Variants in TCTN2 observed in about 807,000 individuals in gnomAD.
TCTN2 encodes tectonic-2.
Under a neutral mutation model 83.4 loss-of-function variants are expected in TCTN2, and 66 were observed. That is an observed-to-expected ratio of 0.79 (90% CI 0.65 to 0.97). The LOEUF (loss-of-function observed/expected upper bound fraction) is 0.97. Ranked by LOEUF, TCTN2 falls within the 50% of genes least tolerant of loss-of-function variation. TCTN2 has a pLI of 0.00. For missense variants in TCTN2, 794 were observed against 858.1 expected (o/e 0.93, Z 0.93); for synonymous variants, 301 against 326.7 (o/e 0.92, Z 0.85).
intron 5 of TCTN2, among the ~76,000 whole-genome samples, chr12:123,683,890 C>CA (rs1955931158): frequency 6.6e-6 from 1 of 152,194 alleles, no homozygotes; most frequent in Non-Finnish European, 1.5e-5. Flanking sequence ...CCACCCACCT[C>CA]AGCCTCCCAA....
At position 123,706,772 on chromosome 12, in the gene TCTN2, C is replaced by A; in HGVS notation, c.1816C>A (p.His606Asn). Residue 606 changes from histidine (H) to asparagine (N), a missense_variant, in exon 16 of 18, where the codon CAC becomes AAC. Physicochemically the swap from His to Asn is moderately conservative, Grantham distance 68. Coordinates refer to ENST00000303372, the MANE Select transcript of TCTN2 (RefSeq NM_024809.5). Reference sequence around the variant, plus strand: ...GTACCAGTGTGGGCTTACCTGTGAGCACAAGGCCGACCTTCTCCCTATCAG... The same window carrying A: ...GTACCAGTGTGGGCTTACCTGTGAGAACAAGGCCGACCTTCTCCCTATCAG... ...WQYQCGLTCE[H>N]KADLLPISAS... 1 of 1,614,148 alleles carries A rather than the reference C, an allele frequency of 6.2e-7. No individual in the cohort carries two copies. Among genetic ancestry groups the A allele is most frequent in the South Asian group, 1.1e-5 (1 of 91,076 alleles).
At chr12:123,682,620 T>C (rs929320168) in intron 5 of TCTN2, among the ~76,000 whole-genome samples, 19 of 152,096 alleles carry the variant, frequency 1.2e-4, no homozygotes, top group African/African-American at 4.6e-4. Flanking sequence ...TAGCTGGGAT[T>C]ACAGGTGCGT....
At chr12:123,686,800 A>G (rs1955972571) in intron 5 of TCTN2, 36 bp from the exon 6 acceptor site, 1 of 1,608,178 alleles carries the variant, frequency 6.2e-7, no homozygotes, top group Non-Finnish European at 8.5e-7. Context: ...GATCCTGACC[A>G]CGGTCACAGC....
intron 3 of TCTN2, 21 bp downstream of exon 3, chr12:123,672,153 T>C: frequency 2.5e-6 from 4 of 1,611,328 alleles, no homozygotes; most frequent in Admixed American, 3.3e-5. Flanking sequence ...AAGTAAACCT[T>C]CTCTGTAGCC....
At chr12:123,706,425 A>G (rs1420260373) in intron 15 of TCTN2, among the ~76,000 whole-genome samples, 1 of 152,178 alleles carries the variant, frequency 6.6e-6, no homozygotes, top group Non-Finnish European at 1.5e-5. Flanking sequence ...GAACAAAGGT[A>G]CCTTTGATAG....
In TCTN2 at chr12:123,697,319, G is replaced by A. The variant is rs968820554; in HGVS notation, c.1505+121G>A. On this transcript the variant is annotated intron_variant, in intron 13 of 17. Transcript: ENST00000303372. ...TTAGAGTCAATTAAAATGTGTAAAA[G>A]TGATAATAAATACAGACATGTAATA... 3 of 776,052 alleles carry A rather than the reference G, an allele frequency of 3.9e-6. 1 individual carries two copies. In the Admixed American group the frequency reaches 5.7e-5, roughly 15 times the overall value. 48.1% of individuals were successfully genotyped at this position (776,052 alleles called of 1,614,324 possible).
At chr12:123,687,061 A>G in intron 6 of TCTN2, 26 bp downstream of exon 6, 1 of 1,613,794 alleles carries the variant, frequency 6.2e-7, no homozygotes, top group Non-Finnish European at 8.5e-7. Context: ...GCCGCCTGGG[A>G]TGGGGCATTG....
At chr12:123,671,384 G>A (rs1344487477) in intron 1 of TCTN2, 62 bp downstream of exon 1, 1 of 1,598,912 alleles carries the variant, frequency 6.3e-7, no homozygotes, top group Non-Finnish European at 8.6e-7. Context: ...CGTTAAAAGG[G>A]CCAGACTTGG....
At chr12:123,705,009 C>T (rs1178191509) in intron 15 of TCTN2, among the ~76,000 whole-genome samples, 2 of 151,994 alleles carry the variant, frequency 1.3e-5, no homozygotes, top group African/African-American at 4.8e-5. Flanking sequence ...AGAATATTGT[C>T]TGTGGTTAGA....
At chr12:123,700,441 G>T (rs1956159120) in intron 14 of TCTN2, among the ~76,000 whole-genome samples, 1 of 151,320 alleles carries the variant, frequency 6.6e-6, no homozygotes, top group Non-Finnish European at 1.5e-5. Context: ...TGTTTGGTTG[G>T]TTTTTTTTGA....
At position 123,690,410 on chromosome 12, in the gene TCTN2, G is replaced by A. The variant is rs57071951; in HGVS notation, c.892-123G>A. On this transcript the variant is annotated intron_variant, in intron 7 of 17. Transcript: ENST00000303372. ...GGGTCAACTAGTCGGTGAACTTGCC[G>A]TTGCTGAAACCAGACCAGCAATGGG... The A allele has an allele frequency of 7.0e-3, 9,568 of 1,370,554 alleles. 327 individuals carry two copies. In the African/African-American group the frequency reaches 0.08, roughly 12 times the overall value. The allele number at this position is 1,370,554 out of a possible 1,614,324, so 84.9% of individuals were successfully genotyped here.
At chr12:123,678,579 C>T (rs182987427) in intron 4 of TCTN2, among the ~76,000 whole-genome samples, 36 of 152,222 alleles carry the variant, frequency 2.4e-4, no homozygotes, top group Non-Finnish European at 4.0e-4. Context: ...TGAGCCACCC[C>T]GCCCAGCCTA....
At chr12:123,682,933 A>T (rs1955917198) in intron 5 of TCTN2, among the ~76,000 whole-genome samples, 1 of 152,006 alleles carries the variant, frequency 6.6e-6, no homozygotes, top group African/African-American at 2.4e-5. Flanking sequence ...TACACATTTA[A>T]AATTTTTTGG....
chr12:123,702,665 C>G (rs997208205), intron 14 of TCTN2, among the ~76,000 whole-genome samples: 2 of 152,142 alleles, frequency 1.3e-5, no homozygotes, highest in Non-Finnish European at 2.9e-5. Flanking sequence ...GGCTCTGCCA[C>G]CCAGGCCAGC....
intron 3 of TCTN2, 114 bp downstream of exon 3, chr12:123,672,246 T>A: frequency 1.0e-6 from 1 of 996,522 alleles, no homozygotes; most frequent in Admixed American, 1.8e-5. Context: ...TCAACAATCA[T>A]GAAATTGTGG....
chr12:123,705,407 C>T (rs575111375), intron 15 of TCTN2, among the ~76,000 whole-genome samples: 5 of 152,176 alleles, frequency 3.3e-5, no homozygotes, highest in South Asian at 2.1e-4. Flanking sequence ...ATGATCCGCC[C>T]GCCTCGGCCT....
At chr12:123,672,222 C>G in intron 3 of TCTN2, 90 bp downstream of exon 3, 1 of 1,116,382 alleles carries the variant, frequency 9.0e-7, no homozygotes, top group South Asian at 1.2e-5. Context: ...CAAGGCATGG[C>G]TTTCTCCATG....
intron 11 of TCTN2, 146 bp downstream of exon 11, chr12:123,695,443 A>G (rs766892675): frequency 9.2e-6 from 6 of 651,020 alleles, no homozygotes; most frequent in Non-Finnish European, 1.4e-5. Flanking sequence ...TTTTTTTGAG[A>G]CGGAGTCTTG....
At chr12:123,687,701 G>A (rs1414033353) in intron 6 of TCTN2, among the ~76,000 whole-genome samples, 1 of 150,828 alleles carries the variant, frequency 6.6e-6, no homozygotes, top group Non-Finnish European at 1.5e-5. Flanking sequence ...AGTGGGTCAC[G>A]TCTGTAATCC....
Sources: gnomAD v4.1 joint callset for allele counts (sites outside exome capture counted in the v4.1 genomes callset) on GRCh38, gnomAD v4.1.1 for gene constraint, MANE v1.5 for transcripts, NCBI Gene and HGNC (gene_info 2026-07-23, HGNC 2026-07-21) for gene names.